Variants in KCNQ1 observed in about 807,000 individuals in gnomAD.
KCNQ1 encodes the protein potassium voltage-gated channel subfamily KQT member 1.
KCNQ1 carries 49 observed loss-of-function variants against 72.4 expected under a neutral mutation model. The observed-to-expected ratio is 0.68, with a 90% CI of 0.54 to 0.86. KCNQ1 has a LOEUF of 0.86. Ranked by LOEUF, KCNQ1 falls within the 40% of genes least tolerant of loss-of-function variation. The pLI is 0.00. For missense variants in KCNQ1, 790 were observed against 945.1 expected (o/e 0.84, Z 2.15); for synonymous variants, 450 against 412.6 (o/e 1.09, Z -1.10).
intron 15 of KCNQ1, among the ~76,000 whole-genome samples, chr11:2,795,493 G>A (rs1318234132): frequency 6.6e-6 from 1 of 152,244 alleles, no homozygotes; most frequent in Non-Finnish European, 1.5e-5. Flanking sequence ...TAAAGACACA[G>A]TCATGCTTGG....
rs561454446 is a variant in KCNQ1 at position 2,686,310 on chromosome 11, T to C, written c.1514+24229T>C. ...GAGGCCAGACCACAGACCACACTAG[T>C]GTCACCTGGCCCGTCCCACCTGTTC... On this transcript the variant is annotated intron_variant, in intron 11 of 15. Coordinates refer to ENST00000155840, the MANE Select transcript of KCNQ1 (RefSeq NM_000218.3). 3 of 398,682 alleles carry C rather than the reference T, an allele frequency of 7.5e-6. No individual in the cohort carries two copies. In the South Asian group the frequency reaches 3.8e-4, roughly 51 times the overall value. 24.7% of individuals were successfully genotyped at this position (398,682 alleles called of 1,614,324 possible).
rs1189824185 is a variant in KCNQ1, at chr11:2,498,501, A to G, written c.387-29427A>G. On this transcript the variant is annotated intron_variant, in intron 1 of 15. Coordinates refer to ENST00000155840, the MANE Select transcript of KCNQ1 (RefSeq NM_000218.3). This position sits in a 1 kb window ranked among gnomAD's most constrained non-coding sequence, Gnocchi z 4.8. ...TAGCACTATCAGGGGAAAACCGCCT[A>G]CTAAAGCCTCAGTAATACCAAATGC... Among the ~76,000 whole-genome samples, 2 of 152,190 alleles carry G rather than the reference A, an allele frequency of 1.3e-5. No homozygotes were observed. The highest frequency in any genetic ancestry group is 2.9e-5 in the Non-Finnish European group (2 of 68,026).
At position 2,736,717 on chromosome 11, in the gene KCNQ1, C is replaced by T. The variant is rs570355403; in HGVS notation, c.1515-32127C>T. On this transcript the variant is annotated intron_variant, in intron 11 of 15. Coordinates refer to ENST00000155840, the MANE Select transcript of KCNQ1 (RefSeq NM_000218.3). ...CATAGGTGTGGCCCAGAGCAAAGGG[C>T]GGCTTCCCATTTCACCTGCGCATCT... Among the ~76,000 whole-genome samples, 23 of 152,366 alleles carry T rather than the reference C, an allele frequency of 1.5e-4. No individual in the cohort carries two copies. In the South Asian group the frequency reaches 3.7e-3, roughly 25 times the overall value.
chr11:2,775,001 G>C (rs1014473428), intron 12 of KCNQ1, among the ~76,000 whole-genome samples: 1 of 152,196 alleles, frequency 6.6e-6, no homozygotes, highest in Non-Finnish European at 1.5e-5. Context: ...AGGCAGGAAA[G>C]CCACTAGCTC....
chr11:2,773,293 A>G (rs2133985987), intron 12 of KCNQ1, among the ~76,000 whole-genome samples: 1 of 150,656 alleles, frequency 6.6e-6, no homozygotes, highest in Non-Finnish European at 1.5e-5. Context: ...TCTCCATTAT[A>G]CAGAAAGGAG....
At chr11:2,797,678 T>A (rs979401987) in intron 15 of KCNQ1, among the ~76,000 whole-genome samples, 22 of 151,994 alleles carry the variant, frequency 1.4e-4, no homozygotes, top group African/African-American at 4.8e-4. Flanking sequence ...TGGCCCCTCC[T>A]CCTCCCCCGG....
At chr11:2,660,424 C>T in intron 10 of KCNQ1, 1 of 398,486 alleles carries the variant, frequency 2.5e-6, no homozygotes, top group Non-Finnish European at 4.4e-6. Context: ...ACTTTAAAAA[C>T]ATAAAACATT....
chr11:2,575,039 C>T (rs1024397795), intron 6 of KCNQ1, among the ~76,000 whole-genome samples: 1 of 152,142 alleles, frequency 6.6e-6, no homozygotes, highest in Non-Finnish European at 1.5e-5. Flanking sequence ...GAGGAGCTGG[C>T]GGTGCAGCAA....
At chr11:2,719,998 G>A (rs764620340) in intron 11 of KCNQ1, among the ~76,000 whole-genome samples, 3 of 152,258 alleles carry the variant, frequency 2.0e-5, no homozygotes, top group Non-Finnish European at 2.9e-5. Context: ...CGGAGGTGGA[G>A]CCGCTTCACC....
Position 2,645,654 on chromosome 11 carries a change from G to T in KCNQ1, c.1394-16307G>T. 1 of 398,776 alleles carries T rather than the reference G, an allele frequency of 2.5e-6. No homozygotes were observed. The highest frequency in any genetic ancestry group is 3.6e-5 in the East Asian group (1 of 28,074). The allele number at this position is 398,776 out of a possible 1,614,324, so 24.7% of individuals were successfully genotyped here. ...TCCTCATGGCAGCCTTGCTTCGGAG[G>T]TAGCAGAGTATTGCCAATGGCTCAT... is the stretch of plus-strand genomic sequence containing the variant. On this transcript the variant is annotated intron_variant, in intron 10 of 15. Transcript: ENST00000155840. This position sits in a 1 kb window ranked among gnomAD's most constrained non-coding sequence, Gnocchi z 5.8.
chr11:2,587,779 A>C, intron 9 of KCNQ1, 87 bp downstream of exon 9: 158 of 1,568,740 alleles, frequency 1.0e-4, no homozygotes, highest in Non-Finnish European at 1.3e-4. Flanking sequence ...CTGGGATCTC[A>C]CCATGCATTT....
intron 15 of KCNQ1, among the ~76,000 whole-genome samples, chr11:2,846,042 A>G (rs1475243592): frequency 6.6e-6 from 1 of 152,158 alleles, no homozygotes; most frequent in Non-Finnish European, 1.5e-5. Flanking sequence ...GTCACCCAGC[A>G]GCATCTTCCC....
At chr11:2,692,128 C>G (rs1850598181) in intron 11 of KCNQ1, 1 of 398,612 alleles carries the variant, frequency 2.5e-6, no homozygotes, top group South Asian at 1.3e-4. Flanking sequence ...ATAGCCCACT[C>G]TACTGAAGGC....
chr11:2,519,783 A>AG (rs1847350470), intron 1 of KCNQ1, among the ~76,000 whole-genome samples: 1 of 80,632 alleles, frequency 1.2e-5, no homozygotes, highest in African/African-American at 5.5e-5. Context: ...GCCCCCCCCC[A>AG]CAACATTGGT....
chr11:2,628,331 A>G (rs1243182359), intron 10 of KCNQ1: 2 of 398,414 alleles, frequency 5.0e-6, no homozygotes, highest in Non-Finnish European at 8.8e-6. Context: ...TAGCGATTCT[A>G]ACAGTTATGA....
intron 1 of KCNQ1, among the ~76,000 whole-genome samples, chr11:2,500,554 A>G (rs1846992542): frequency 6.6e-6 from 1 of 152,208 alleles, no homozygotes; most frequent in Non-Finnish European, 1.5e-5. Context: ...AAATCATTGT[A>G]TTATAAAGAC....
In KCNQ1 at chr11:2,603,396, AAC is replaced by A. The variant is rs1848834091; in HGVS notation, c.1393+14546_1393+14547del. On this transcript the variant is annotated intron_variant, in intron 10 of 15. Coordinates refer to ENST00000155840, the MANE Select transcript of KCNQ1 (RefSeq NM_000218.3). The surrounding 1 kb of genome is among the most constrained non-coding windows in gnomAD (Gnocchi z 4.1). ...TACCACACACATTTAATTTTTTAAAAACACAATATCCACAAAGTGCAAAAAAG... is the reference window on the plus strand; with the variant it reads ...TACCACACACATTTAATTTTTTAAAAACAATATCCACAAAGTGCAAAAAAG... Among the ~76,000 whole-genome samples the A allele has an allele frequency of 1.3e-5, 2 of 152,192 alleles. No individual in the cohort carries two copies. The highest frequency in any genetic ancestry group is 1.3e-4 in the Admixed American group (2 of 15,284).
At chr11:2,584,289 C>T (rs1333185508) in intron 7 of KCNQ1, among the ~76,000 whole-genome samples, 2 of 152,026 alleles carry the variant, frequency 1.3e-5, no homozygotes, top group Non-Finnish European at 2.9e-5. Flanking sequence ...TGTGTGTGCA[C>T]ATGACATGTA....
In KCNQ1 at chr11:2,495,821, G is replaced by T. The variant is rs112147620; in HGVS notation, c.387-32107G>T. 1.3e-5 allele frequency among the ~76,000 whole-genome samples: 2 copies of T among 152,292 alleles called. No homozygotes were observed. The highest frequency in any genetic ancestry group is 4.8e-5 in the African/African-American group (2 of 41,552). ...AGAACAATGTACATTCTCTTGATTT[G>T]GGGTGGAAAGTTCTGTAGATGTCTA... On this transcript the variant is annotated intron_variant, in intron 1 of 15. Transcript: ENST00000155840. This position sits in a 1 kb window ranked among gnomAD's most constrained non-coding sequence, Gnocchi z 4.6.
Sources: gnomAD v4.1 joint callset for allele counts (sites outside exome capture counted in the v4.1 genomes callset) on GRCh38, gnomAD v4.1.1 for gene constraint, Gnocchi (gnomAD v3.1) non-coding constraint, MANE v1.5 for transcripts, NCBI Gene and HGNC (gene_info 2026-07-23, HGNC 2026-07-21) for gene names.